METTL4: variants seen among roughly 807,000 people sequenced by gnomAD.
METTL4 encodes methyltransferase 4, N6-adenosine.
In METTL4, 40 loss-of-function variants were observed where a neutral mutation model predicts 54.0. That is an observed-to-expected ratio of 0.74 (90% CI 0.58 to 0.96). METTL4 has a LOEUF of 0.96. METTL4 is among the 50% of genes least tolerant of loss of function. The pLI is 0.00. For synonymous variants in METTL4, 169 were observed against 183.8 expected (o/e 0.92, Z 0.65); for missense variants, 525 against 549.0 (o/e 0.96, Z 0.44).
intron 6 of METTL4, among the ~76,000 whole-genome samples, chr18:2,546,776 ATCAT>A (rs547536941): frequency 5.6e-4 from 86 of 152,292 alleles, no homozygotes; most frequent in Non-Finnish European, 9.4e-4. Context: ...GATATTAAAG[ATCAT>A]TCAACCAATT....
intron 5 of METTL4, among the ~76,000 whole-genome samples, chr18:2,552,427 CAA>C (rs1043932143): frequency 3.9e-5 from 6 of 152,090 alleles, no homozygotes; most frequent in African/African-American, 1.4e-4. Context: ...TCAAAGAAGA[CAA>C]ATATGTTGTC....
chr18:2,563,244 TAA>T (rs1166761898), intron 3 of METTL4, among the ~76,000 whole-genome samples: 2 of 152,208 alleles, frequency 1.3e-5, no homozygotes, highest in African/African-American at 4.8e-5. Context: ...CAATATAGCA[TAA>T]GTTTACTTTG....
intron 3 of METTL4, among the ~76,000 whole-genome samples, chr18:2,563,547 A>G (rs2072354281): frequency 1.4e-5 from 2 of 144,284 alleles, no homozygotes; most frequent in African/African-American, 5.2e-5. Context: ...GTGAGCTGAG[A>G]TCACACCACT....
In METTL4 at chr18:2,567,182, AACC is replaced by A; in HGVS notation, c.32_34del (p.Trp11del). The A allele has an allele frequency of 2.5e-6, 4 of 1,612,808 alleles. No individual in the cohort carries two copies. The highest frequency in any genetic ancestry group is 3.4e-6 in the Non-Finnish European group (4 of 1,179,294). The stretch of plus-strand genomic sequence containing the variant: ...GTTGATAAAAGAAAGATGATCCAGT[AACC>A]ACCCAGCTGACAACTGGTGTACCAC... On this transcript the variant is annotated inframe_deletion, in exon 2 of 9. Coordinates refer to ENST00000574538, the MANE Select transcript of METTL4 (RefSeq NM_022840.5).
At chr18:2,559,849 C>T (rs1033862158) in intron 3 of METTL4, among the ~76,000 whole-genome samples, 2 of 152,198 alleles carry the variant, frequency 1.3e-5, no homozygotes, top group Non-Finnish European at 2.9e-5. Context: ...AATTCTCCTC[C>T]CTCAGCGTCC....
intron 5 of METTL4, among the ~76,000 whole-genome samples, chr18:2,549,994 C>A (rs2072130589): frequency 6.7e-6 from 1 of 150,254 alleles, no homozygotes; most frequent in East Asian, 1.9e-4. Context: ...AACTCTGTCT[C>A]AAAAAAAATA....
At position 2,538,890 on chromosome 18, in the gene METTL4, G is replaced by A; in HGVS notation, c.*110C>T. On this transcript the variant is annotated 3_prime_UTR_variant, in exon 9 of 9. Coordinates refer to ENST00000574538, the MANE Select transcript of METTL4 (RefSeq NM_022840.5). ...TCCCTTACTGAAAAAAACAAGTCCT[G>A]TTTATATTCTAAGAATATGGGTTGG... 8.0e-7 allele frequency: 1 copy of A among 1,244,872 alleles called. No homozygotes were observed. Among genetic ancestry groups the A allele is most frequent in the Non-Finnish European group, 1.1e-6 (1 of 894,862 alleles). 77.1% of individuals were successfully genotyped at this position (1,244,872 alleles called of 1,614,324 possible). A position where few individuals can be genotyped will look rare whatever the true frequency, so the allele number is the denominator to read the frequency against.
At chr18:2,553,866 G>T (rs1266623849) in intron 4 of METTL4, 2 of 152,098 alleles carry the variant, frequency 1.3e-5, no homozygotes, top group Non-Finnish European at 2.9e-5. Flanking sequence ...TCATTAATTT[G>T]TTATCCTGTC....
rs2072036601 is a variant in METTL4, at chr18:2,544,242, A to G, written c.1226T>C (p.Ile409Thr). ...NVLPIPDHKL[I>T]VSVPCTLHSH... is the part of the protein sequence containing the mutation. ...GTGAAGAGTACAGGGCACGCTGACA[A>G]TTAATTTGTGGTCTGGAATGGGGAG... The change falls in exon 8 of 9, where the codon ATT becomes ACT. Residue 409 changes from isoleucine to threonine, a missense_variant. Coordinates refer to ENST00000574538, the MANE Select transcript of METTL4 (RefSeq NM_022840.5). 3 of 1,613,570 alleles carry G rather than the reference A, an allele frequency of 1.9e-6. No individual in the cohort carries two copies. The highest frequency in any genetic ancestry group is 1.3e-5 in the African/African-American group (1 of 74,920).
rs1052513702 is a variant in METTL4, at chr18:2,539,042, A to C, written c.1377T>G (p.Phe459Leu). Residue 459 changes from phenylalanine (F) to leucine (L), a missense_variant, in exon 9 of 9, where the codon TTT (phenylalanine) becomes TTG (leucine). Coordinates refer to ENST00000574538, the MANE Select transcript of METTL4 (RefSeq NM_022840.5). Reference protein sequence around the residue: ...WTSWGNEVLKFQHVDYFIAVE... With the variant: ...WTSWGNEVLKLQHVDYFIAVE... ...CAGCAATAAAATAATCCACATGCTGAAATTTGAGAACTTCATTGCCCCAAC... is the reference window on the plus strand; with the variant it reads ...CAGCAATAAAATAATCCACATGCTGCAATTTGAGAACTTCATTGCCCCAAC... The C allele has an allele frequency of 9.3e-6, 15 of 1,614,048 alleles. No individual in the cohort carries two copies. Among genetic ancestry groups the C allele is most frequent in the Non-Finnish European group, 1.2e-5 (14 of 1,179,952 alleles).
At chr18:2,562,475 A>G (rs2072336303) in intron 3 of METTL4, among the ~76,000 whole-genome samples, 1 of 152,214 alleles carries the variant, frequency 6.6e-6, no homozygotes, top group Non-Finnish European at 1.5e-5. Flanking sequence ...TTGTACACCA[A>G]TGTTCACAGA....
In METTL4 at chr18:2,557,244, T is replaced by A. The variant is rs139160977; in HGVS notation, c.460-2206A>T. Reference sequence around the variant, plus strand: ...GGTAGGCACACTAGAGAAATTTACCTATGTACTGATCAGTACAAGTGTGTG... The same window carrying A: ...GGTAGGCACACTAGAGAAATTTACCAATGTACTGATCAGTACAAGTGTGTG... On this transcript the variant is annotated intron_variant, in intron 3 of 8. Transcript: ENST00000574538. Among the ~76,000 whole-genome samples the A allele has an allele frequency of 2.5e-3, 387 of 152,032 alleles. 3 individuals are homozygous for A. The highest frequency in any genetic ancestry group is 5.4e-3 in the East Asian group (28 of 5,162).
chr18:2,561,901 G>A (rs2072325033), intron 3 of METTL4: 1 of 152,060 alleles, frequency 6.6e-6, no homozygotes, highest in East Asian at 1.9e-4. Flanking sequence ...AGTTAACCTT[G>A]CAAGTGTCAT....
At chr18:2,540,529 C>T in intron 8 of METTL4, 1 of 985,330 alleles carries the variant, frequency 1.0e-6, no homozygotes, top group African/African-American at 1.7e-5. Flanking sequence ...TCCTGTTTAG[C>T]AAAAATCAAA....
Position 2,554,782 on chromosome 18 carries a change from T to C in METTL4, c.716A>G (p.Glu239Gly). The C allele has an allele frequency of 1.2e-6, 2 of 1,613,780 alleles. No homozygotes were observed. The highest frequency in any genetic ancestry group is 1.7e-6 in the Non-Finnish European group (2 of 1,179,786). Residue 239 changes from glutamate (E) to glycine (G), a missense_variant, in exon 4 of 9, where the codon GAA (glutamate) becomes GGA (glycine). By Grantham distance (98) the Glu-to-Gly change is moderately conservative (BLOSUM62 -2). Transcript: ENST00000574538. ...CACTTTTGTAAAGCTAGAGTTGTTT[T>C]CAACAACTCGCAAAAATAAATCCTG... ...TEQDLFLRVV[E>G]NNSSFTKVIT...
rs539723071 is a variant in METTL4, at chr18:2,564,329, T to C, written c.397-470A>G. On this transcript the variant is annotated intron_variant, in intron 2 of 8. Transcript: ENST00000574538. The stretch of plus-strand genomic sequence containing the variant: ...GGGAGGCTGAGGCAGGAGAATGGTG[T>C]GCGAGACTCTGTCTCAAAAAAAAGA... 4.6e-5 allele frequency among the ~76,000 whole-genome samples: 7 copies of C among 151,894 alleles called. No homozygotes were observed. In the South Asian group the frequency reaches 1.0e-3, roughly 23 times the overall value.
intron 8 of METTL4, among the ~76,000 whole-genome samples, chr18:2,542,723 T>C (rs897522244): frequency 6.6e-4 from 101 of 152,116 alleles, no homozygotes; most frequent in Non-Finnish European, 1.2e-3. Flanking sequence ...TAAAGGTCTA[T>C]GACAGTCCGA....
intron 4 of METTL4, chr18:2,554,407 T>A: frequency 2.7e-6 from 1 of 369,388 alleles, no homozygotes; most frequent in Non-Finnish European, 4.8e-6. Flanking sequence ...CACAACTGCA[T>A]ACCGAATTCC....
intron 8 of METTL4, among the ~76,000 whole-genome samples, chr18:2,541,362 C>G (rs571787758): frequency 6.6e-5 from 10 of 152,258 alleles, no homozygotes; most frequent in Non-Finnish European, 1.5e-4. Flanking sequence ...CTGTGCACAG[C>G]TAGTCATTTC....
Sources: allele counts gnomAD v4.1 joint callset (sites outside exome capture counted in the v4.1 genomes callset), GRCh38; gene constraint gnomAD v4.1.1; transcripts MANE v1.5; gene names NCBI Gene and HGNC (gene_info 2026-07-23, HGNC 2026-07-21).